SFMBT2: variants seen among roughly 807,000 people sequenced by gnomAD.
SFMBT2 encodes Scm like with four mbt domains 2.
In SFMBT2, 38 loss-of-function variants were observed where a neutral mutation model predicts 110.1. The observed-to-expected ratio is 0.35, with a 90% confidence interval of 0.27 to 0.45. The LOEUF is 0.45. SFMBT2 is among the 20% of genes least tolerant of loss of function. The pLI is 1.00. For missense variants in SFMBT2, 1,011 were observed against 1,094.9 expected (o/e 0.92, Z 1.08); for synonymous variants, 425 against 425.4 (o/e 1.00, Z 0.01).
At chr10:7,336,036 C>G (rs1843710451) in intron 4 of SFMBT2, among the ~76,000 whole-genome samples, 2 of 152,182 alleles carry the variant, frequency 1.3e-5, no homozygotes, top group Non-Finnish European at 2.9e-5. Context: ...AAGTATCAGG[C>G]AGCACAGAAA....
At position 7,171,115 on chromosome 10, in the gene SFMBT2, C is replaced by T. The variant is rs1325785579; in HGVS notation, c.2416-59G>A. 7 of 1,610,824 alleles carry T rather than the reference C, an allele frequency of 4.3e-6. No individual in the cohort carries two copies. In the Admixed American group the frequency reaches 8.3e-5, roughly 19 times the overall value. On this transcript the variant is annotated intron_variant, in intron 19 of 20. Transcript: ENST00000397167. This position sits in a 1 kb window ranked among gnomAD's most constrained non-coding sequence, Gnocchi z 4.9. The stretch of plus-strand genomic sequence containing the variant: ...GCACAGTCAGCTGGCTGGGTCCTCT[C>T]CAGCACTCTCCAGGCCTCGGCCGTT...
At chr10:7,298,820 T>C (rs1186681238) in intron 4 of SFMBT2, among the ~76,000 whole-genome samples, 2 of 152,076 alleles carry the variant, frequency 1.3e-5, no homozygotes, top group African/African-American at 4.8e-5. Flanking sequence ...TAAGACCTCT[T>C]CCAAGAAGCT....
At chr10:7,246,267 C>A (rs922501919) in intron 8 of SFMBT2, 31 of 626,592 alleles carry the variant, frequency 4.9e-5, no homozygotes, top group Non-Finnish European at 6.2e-5. Context: ...TCAATAAGAT[C>A]TATTTAGAGA....
chr10:7,383,095 G>T (rs566556946), intron 1 of SFMBT2, among the ~76,000 whole-genome samples: 16 of 152,328 alleles, frequency 1.1e-4, no homozygotes, highest in African/African-American at 3.6e-4. Context: ...GGAAAGTAGA[G>T]ATGAAGAAAC....
rs56871421 is a variant in SFMBT2 at position 7,228,738 on chromosome 10, T to TTCTCTC, written c.1121-807_1121-802dup. On this transcript the variant is annotated intron_variant, in intron 9 of 20. Coordinates refer to ENST00000397167, the MANE Select transcript of SFMBT2 (RefSeq NM_001387889.1). ...TTCTTTCTTTCTTTCTTTCTTTCCT[T>TTCTCTC]TCTCTCTCTCTCTCTCTCTCTCTCT... Among the ~76,000 whole-genome samples the TTCTCTC allele has an allele frequency of 1.5e-3, 94 of 62,522 alleles. 3 individuals are homozygous for TTCTCTC. Among genetic ancestry groups the TTCTCTC allele is most frequent in the East Asian group, 1.5e-3 (3 of 1,978 alleles). The allele number at this position is 62,522 out of a possible 152,430, so 41.0% of individuals were successfully genotyped here.
rs1564395474 is a variant in SFMBT2 at position 7,228,744 on chromosome 10, CTCTCTCTCT to C, written c.1121-816_1121-808del. 7.7e-3 allele frequency among the ~76,000 whole-genome samples: 558 copies of C among 72,266 alleles called. 3 individuals carry two copies. Among genetic ancestry groups the C allele is most frequent in the South Asian group, 0.021 (40 of 1,872 alleles). 47.4% of individuals were successfully genotyped at this position (72,266 alleles called of 152,430 possible). On this transcript the variant is annotated intron_variant, in intron 9 of 20. Transcript: ENST00000397167. ...CTTTCTTTCTTTCTTTCCTTTCTCTCTCTCTCTCTCTCTCTCTCTCTCTCTCTCTCTCTC... is the reference window on the plus strand; with the variant it reads ...CTTTCTTTCTTTCTTTCCTTTCTCTCCTCTCTCTCTCTCTCTCTCTCTCTC...
chr10:7,202,428 C>T, intron 13 of SFMBT2, 52 bp downstream of exon 13: 1 of 1,608,130 alleles, frequency 6.2e-7, no homozygotes. Flanking sequence ...TCCATAAAGA[C>T]ACTACAGTTT....
At chr10:7,256,511 T>C (rs1841012526) in intron 7 of SFMBT2, among the ~76,000 whole-genome samples, 1 of 152,216 alleles carries the variant, frequency 6.6e-6, no homozygotes, top group African/African-American at 2.4e-5. Context: ...TTCCAAAATG[T>C]TTACCTACAG....
At chr10:7,274,084 G>A (rs900132530) in intron 7 of SFMBT2, among the ~76,000 whole-genome samples, 15 of 152,150 alleles carry the variant, frequency 9.9e-5, no homozygotes, top group African/African-American at 3.4e-4. Flanking sequence ...ATACACCATG[G>A]AATACTATGC....
At chr10:7,264,579 A>G (rs1177022853) in intron 7 of SFMBT2, among the ~76,000 whole-genome samples, 1 of 152,192 alleles carries the variant, frequency 6.6e-6, no homozygotes, top group African/African-American at 2.4e-5. Flanking sequence ...GATTGGAATT[A>G]GTGTCCTGGG....
intron 1 of SFMBT2, among the ~76,000 whole-genome samples, chr10:7,406,561 A>G (rs1481983710): frequency 2.6e-5 from 4 of 152,084 alleles, no homozygotes; most frequent in Non-Finnish European, 5.9e-5. Context: ...GATGAAAACG[A>G]AACAGGGAAG....
At chr10:7,203,056 T>C (rs1224034249) in intron 12 of SFMBT2, 1 of 985,352 alleles carries the variant, frequency 1.0e-6, no homozygotes, top group Non-Finnish European at 1.2e-6. Flanking sequence ...GATAAGAACA[T>C]TTCCAGTTTA....
chr10:7,385,200 A>C (rs1845556892), intron 1 of SFMBT2, among the ~76,000 whole-genome samples: 1 of 152,178 alleles, frequency 6.6e-6, no homozygotes, highest in Non-Finnish European at 1.5e-5. Context: ...GGAATATTAC[A>C]AAGGGTAAGA....
At chr10:7,325,662 A>G (rs1843359375) in intron 4 of SFMBT2, among the ~76,000 whole-genome samples, 1 of 152,246 alleles carries the variant, frequency 6.6e-6, no homozygotes, top group South Asian at 2.1e-4. Flanking sequence ...GTACAGGCTC[A>G]GGTACAACTC....
At chr10:7,295,563 AC>A (rs1197646456) in intron 4 of SFMBT2, among the ~76,000 whole-genome samples, 8 of 152,218 alleles carry the variant, frequency 5.3e-5, no homozygotes, top group African/African-American at 1.9e-4. Context: ...CATTGCACAG[AC>A]CTTTCACTAA....
intron 4 of SFMBT2, among the ~76,000 whole-genome samples, chr10:7,340,532 G>A (rs117957528): frequency 0.034 from 5,106 of 151,712 alleles, 122 homozygotes; most frequent in Non-Finnish European, 0.054. Flanking sequence ...GTCTCTCAAT[G>A]TTACAACCAA....
rs144502561 is a variant in SFMBT2 at position 7,171,645 on chromosome 10, C to T, written c.2415+250G>A. 324 of 908,388 alleles carry T rather than the reference C, an allele frequency of 3.6e-4. No homozygotes were observed. The highest frequency in any genetic ancestry group is 5.7e-4 in the Middle Eastern group (1 of 1,754). The allele number at this position is 908,388 out of a possible 1,614,324, so 56.3% of individuals were successfully genotyped here. On this transcript the variant is annotated intron_variant, in intron 19 of 20. Coordinates refer to ENST00000397167, the MANE Select transcript of SFMBT2 (RefSeq NM_001387889.1). This position sits in a 1 kb window ranked among gnomAD's most constrained non-coding sequence, Gnocchi z 4.9. ...GACTGTGCCCTCCTCCTGACAAGAACCCAGGTGGCACTAAAGCCGTCCAGG... is the reference window on the plus strand; with the variant it reads ...GACTGTGCCCTCCTCCTGACAAGAATCCAGGTGGCACTAAAGCCGTCCAGG...
intron 20 of SFMBT2, among the ~76,000 whole-genome samples, chr10:7,168,630 C>G (rs952080334): frequency 6.6e-6 from 1 of 152,226 alleles, no homozygotes; most frequent in Admixed American, 6.5e-5. Context: ...CTTATCTCGC[C>G]GCAGCACCAC....
intron 1 of SFMBT2, among the ~76,000 whole-genome samples, chr10:7,397,184 A>G (rs1588510004): frequency 6.6e-6 from 1 of 152,202 alleles, no homozygotes; most frequent in African/African-American, 2.4e-5. Flanking sequence ...TCCATTCATC[A>G]GGTCCCCCCA....
Sources: gnomAD v4.1 joint callset for allele counts (sites outside exome capture counted in the v4.1 genomes callset) on GRCh38, gnomAD v4.1.1 for gene constraint, Gnocchi (gnomAD v3.1) non-coding constraint, MANE v1.5 for transcripts, NCBI Gene and HGNC (gene_info 2026-07-23, HGNC 2026-07-21) for gene names.